Variants in CDS2 observed in about 807,000 individuals in gnomAD.
The protein encoded by CDS2 is phosphatidate cytidylyltransferase 2.
A neutral mutation model predicts 59.0 loss-of-function variants in CDS2; 47 were observed. The observed-to-expected ratio is 0.80, with a 90% CI of 0.63 to 1.02. CDS2 has a LOEUF of 1.02. CDS2 is among the 50% of genes least tolerant of loss of function. The pLI is 0.00. For missense variants in CDS2, 356 were observed against 558.9 expected (o/e 0.64, Z 3.66); for synonymous variants, 207 against 206.4 (o/e 1.00, Z -0.02).
chr20:5,156,728 A>G (rs1237529045), intron 1 of CDS2, among the ~76,000 whole-genome samples: 2 of 152,222 alleles, frequency 1.3e-5, no homozygotes, highest in East Asian at 1.9e-4. Flanking sequence ...CAGGGGCTCA[A>G]ATGTCACCAA....
intron 1 of CDS2, among the ~76,000 whole-genome samples, chr20:5,142,247 G>A (rs928880040): frequency 2.0e-5 from 3 of 152,262 alleles, no homozygotes; most frequent in South Asian, 2.1e-4. Flanking sequence ...AGGAGTTTGA[G>A]ACCACCCTGG....
intron 1 of CDS2, among the ~76,000 whole-genome samples, chr20:5,164,109 A>G (rs1568536809): frequency 6.6e-6 from 1 of 152,078 alleles, no homozygotes; most frequent in East Asian, 1.9e-4. Flanking sequence ...TTCTATAACT[A>G]ATATGACACA....
intron 1 of CDS2, among the ~76,000 whole-genome samples, chr20:5,170,889 G>A (rs1198699691): frequency 6.6e-6 from 1 of 152,162 alleles, no homozygotes; most frequent in Non-Finnish European, 1.5e-5. Context: ...TATCACCACC[G>A]ATCCCACAGA....
At chr20:5,189,518 G>A (rs759536681) in intron 11 of CDS2, among the ~76,000 whole-genome samples, 10 of 152,152 alleles carry the variant, frequency 6.6e-5, no homozygotes, top group Non-Finnish European at 1.2e-4. Context: ...GAGCAACATA[G>A]CAAGACTCCT....
At chr20:5,186,981 C>A (rs1003755983) in intron 10 of CDS2, 142 bp downstream of exon 10, 2 of 885,478 alleles carry the variant, frequency 2.3e-6, no homozygotes, top group Non-Finnish European at 3.5e-6. Flanking sequence ...GAATTGCTCA[C>A]GCCAGGTCAG....
intron 3 of CDS2, chr20:5,175,740 C>G: frequency 6.1e-6 from 1 of 163,904 alleles, no homozygotes; most frequent in Non-Finnish European, 1.3e-5. Context: ...GAGCCGAGAT[C>G]ATGCCACTGC....
chr20:5,158,099 C>A (rs1286417001), intron 1 of CDS2, among the ~76,000 whole-genome samples: 1 of 150,940 alleles, frequency 6.6e-6, no homozygotes, highest in Non-Finnish European at 1.5e-5. Context: ...TATATGTGGC[C>A]CAAGACAGTT....
intron 4 of CDS2, among the ~76,000 whole-genome samples, chr20:5,178,161 C>G (rs1038401977): frequency 2.0e-5 from 3 of 152,166 alleles, no homozygotes; most frequent in South Asian, 4.1e-4. Flanking sequence ...AGAGAATACA[C>G]AAGTGAAGAG....
At chr20:5,165,304 C>T (rs970141210) in intron 1 of CDS2, among the ~76,000 whole-genome samples, 1 of 152,152 alleles carries the variant, frequency 6.6e-6, no homozygotes, top group Non-Finnish European at 1.5e-5. Flanking sequence ...CCCTAAAATG[C>T]CTCCTCTAGT....
At chr20:5,140,715 C>G (rs2090686326) in intron 1 of CDS2, among the ~76,000 whole-genome samples, 1 of 152,184 alleles carries the variant, frequency 6.6e-6, no homozygotes, top group Non-Finnish European at 1.5e-5. Context: ...TTAAAATTTC[C>G]AATCCCCAAT....
At position 5,196,058 on chromosome 20, in the gene CDS2, C is replaced by G. The variant is rs547821758; in HGVS notation, c.*5824C>G. On this transcript the variant is annotated 3_prime_UTR_variant, in exon 13 of 13. Transcript: ENST00000460006. Reference sequence around the variant, plus strand: ...CTAGGTCAGTTGAATAATAACTGAACTACTGGTTTGACTGTGGATTATTTC... The same window carrying G: ...CTAGGTCAGTTGAATAATAACTGAAGTACTGGTTTGACTGTGGATTATTTC... The G allele has an allele frequency of 6.6e-6, 1 of 152,282 alleles. No individual in the cohort carries two copies. The highest frequency in any genetic ancestry group is 1.9e-4 in the East Asian group (1 of 5,182). 9.4% of individuals were successfully genotyped at this position (152,282 alleles called of 1,614,324 possible). A position where few individuals can be genotyped will look rare whatever the true frequency, so the allele number is the denominator to read the frequency against.
rs2091170366 is a variant in CDS2 at position 5,197,833 on chromosome 20, C to T, written c.*7599C>T. 6.6e-6 allele frequency: 1 copy of T among 152,216 alleles called. No individual in the cohort carries two copies. Among genetic ancestry groups the T allele is most frequent in the Admixed American group, 6.5e-5 (1 of 15,274 alleles). 9.4% of individuals were successfully genotyped at this position (152,216 alleles called of 1,614,324 possible). ...ATACTGTACGTTGGAAAGCATTTAC[C>T]TTATTTATATACCTGAATGTTCCTA... is the stretch of plus-strand genomic sequence containing the variant. On this transcript the variant is annotated 3_prime_UTR_variant, in exon 13 of 13. Transcript: ENST00000460006.
At chr20:5,155,902 T>C (rs140364649) in intron 1 of CDS2, among the ~76,000 whole-genome samples, 131 of 151,764 alleles carry the variant, frequency 8.6e-4, no homozygotes, top group Middle Eastern at 3.4e-3. Flanking sequence ...GAGGGAAGGG[T>C]GAGATGTAAT....
In CDS2 at chr20:5,169,256, G is replaced by T. The variant is rs558347716; in HGVS notation, c.58-4267G>T. Among the ~76,000 whole-genome samples, 7 of 152,312 alleles carry T rather than the reference G, an allele frequency of 4.6e-5. No individual in the cohort carries two copies. The South Asian group carries it at 1.4e-3, about 32-fold the overall frequency. On this transcript the variant is annotated intron_variant, in intron 1 of 12. Coordinates refer to ENST00000460006, the MANE Select transcript of CDS2 (RefSeq NM_003818.4). ...ATTGAAAGGGAAGGAAGGAGGAGGG[G>T]TGCCTGGGAGCTGGGTGGATATGAG...
chr20:5,186,883 G>T (rs1223790537), intron 10 of CDS2, 44 bp downstream of exon 10: 1 of 1,605,680 alleles, frequency 6.2e-7, no homozygotes, highest in Non-Finnish European at 8.5e-7. Flanking sequence ...ATGGACAGTG[G>T]CTACAAAGAG....
At chr20:5,171,682 G>A (rs2090957235) in intron 1 of CDS2, among the ~76,000 whole-genome samples, 1 of 152,186 alleles carries the variant, frequency 6.6e-6, no homozygotes, top group Admixed American at 6.5e-5. Flanking sequence ...CTCTGGAGTG[G>A]TGTACTGGGA....
intron 5 of CDS2, among the ~76,000 whole-genome samples, chr20:5,180,442 A>G (rs1361918610): frequency 2.0e-5 from 3 of 151,344 alleles, no homozygotes; most frequent in Admixed American, 1.3e-4. Flanking sequence ...AGGGTGGATT[A>G]TTCATGTTTC....
Position 5,176,651 on chromosome 20 carries a change from A to T in CDS2, c.295A>T (p.Met99Leu), listed in dbSNP as rs118058125. ...GTGAATGTTTTGTGTCCCGCAGGTG[A>T]TGTGCGTTCAGATTAAGTGTTTCCA... ...LGPMVLMIIV[M>L]CVQIKCFHEI... The change falls in exon 4 of 13, where the codon ATG becomes TTG. Residue 99 changes from methionine (M) to leucine (L), a missense_variant. Coordinates refer to ENST00000460006, the MANE Select transcript of CDS2 (RefSeq NM_003818.4). The T allele has an allele frequency of 7.4e-6, 12 of 1,612,548 alleles. No individual in the cohort carries two copies. The East Asian group carries it at 2.7e-4, about 36-fold the overall frequency.
chr20:5,139,317 A>G (rs2090674135), intron 1 of CDS2, among the ~76,000 whole-genome samples: 1 of 152,252 alleles, frequency 6.6e-6, no homozygotes, highest in African/African-American at 2.4e-5. Context: ...AGCCGAGATC[A>G]TGCCATAGCA....
Sources: allele counts gnomAD v4.1 joint callset (sites outside exome capture counted in the v4.1 genomes callset), GRCh38; gene constraint gnomAD v4.1.1; transcripts MANE v1.5; gene names NCBI Gene and HGNC (gene_info 2026-07-23, HGNC 2026-07-21).